COP1: variants seen among roughly 807,000 people sequenced by gnomAD.
The protein encoded by COP1 is E3 ubiquitin-protein ligase COP1.
COP1 carries 24 observed loss-of-function variants against 101.3 expected under a neutral mutation model. That is an observed-to-expected ratio of 0.24 (90% CI 0.17 to 0.33). COP1 has a LOEUF of 0.33. Among genes scored for constraint, COP1 ranks in the 10% least tolerant of loss-of-function variants. The pLI, the probability that COP1 is intolerant of heterozygous loss-of-function variation, is 1.00. For synonymous variants in COP1, 347 were observed against 341.9 expected, an observed-to-expected ratio of 1.01 and a Z score of -0.17; for missense variants, 663 against 906.2, an observed-to-expected ratio of 0.73 and a Z score of 3.45.
chr1:175,960,071 T>C (rs1298180451), intron 18 of COP1, among the ~76,000 whole-genome samples: 2 of 152,204 alleles, frequency 1.3e-5, no homozygotes, highest in African/African-American at 4.8e-5. Context: ...TGTAGGCTTC[T>C]CTTATAGAAA....
intron 9 of COP1, among the ~76,000 whole-genome samples, chr1:176,102,329 C>T (rs1219952190): frequency 6.6e-6 from 1 of 152,176 alleles, no homozygotes; most frequent in African/African-American, 2.4e-5. Context: ...CTAATCTTTC[C>T]CATTCGTGTG....
At chr1:176,095,161 A>G (rs79259986) in intron 9 of COP1, among the ~76,000 whole-genome samples, 3,433 of 152,336 alleles carry the variant, frequency 0.023, 59 homozygotes, top group Non-Finnish European at 0.032. Flanking sequence ...AGTAAACTTT[A>G]TAAGTTCAAG....
At chr1:176,196,996 G>A (rs898771689) in intron 1 of COP1, among the ~76,000 whole-genome samples, 2 of 152,044 alleles carry the variant, frequency 1.3e-5, no homozygotes, top group African/African-American at 4.8e-5. Flanking sequence ...CCTATGTTAC[G>A]GGTTAAATTG....
In COP1 at chr1:176,130,112, C is replaced by A. The variant is rs187001829; in HGVS notation, c.968+4898G>T. Among the ~76,000 whole-genome samples the A allele has an allele frequency of 1.1e-3, 162 of 151,716 alleles. 2 individuals carry two copies. Among genetic ancestry groups the A allele is most frequent in the Non-Finnish European group, 1.6e-4 (11 of 67,682 alleles). On this transcript the variant is annotated intron_variant, in intron 8 of 19. Transcript: ENST00000367669. ...TCTCAAAAATTCAGAGATAATCAAACCTGGTCTAAGTATGTTTCAATATAA... is the reference window on the plus strand; with the variant it reads ...TCTCAAAAATTCAGAGATAATCAAAACTGGTCTAAGTATGTTTCAATATAA...
chr1:176,143,761 A>G (rs528713836), intron 6 of COP1, among the ~76,000 whole-genome samples: 14 of 152,236 alleles, frequency 9.2e-5, no homozygotes, highest in African/African-American at 3.4e-4. Context: ...CCCCTGGGCC[A>G]ATCAGGATGG....
chr1:176,029,265 C>A (rs1433777944), intron 14 of COP1, among the ~76,000 whole-genome samples: 1 of 151,876 alleles, frequency 6.6e-6, no homozygotes, highest in Non-Finnish European at 1.5e-5. Context: ...AGTTAAATTG[C>A]AAAATTTTGG....
chr1:175,959,512 TTTAA>T (rs1035585654), intron 18 of COP1, among the ~76,000 whole-genome samples: 9 of 152,064 alleles, frequency 5.9e-5, no homozygotes, highest in South Asian at 2.1e-4. Context: ...GACACTAAAC[TTTAA>T]TTATTTGTGG....
chr1:176,084,856 T>A (rs1679843673), intron 10 of COP1, among the ~76,000 whole-genome samples: 1 of 151,374 alleles, frequency 6.6e-6, no homozygotes, highest in Admixed American at 6.6e-5. Flanking sequence ...CAGACTTTTT[T>A]TTTTCCCCCT....
At chr1:176,015,173 G>A (rs1053239494) in intron 15 of COP1, among the ~76,000 whole-genome samples, 5 of 152,168 alleles carry the variant, frequency 3.3e-5, no homozygotes, top group Non-Finnish European at 7.3e-5. Flanking sequence ...ATGAAATAAT[G>A]TAGGATGAAT....
chr1:176,118,519 T>C (rs2149610710), intron 8 of COP1, among the ~76,000 whole-genome samples: 1 of 152,254 alleles, frequency 6.6e-6, no homozygotes, highest in Non-Finnish European at 1.5e-5. Context: ...TCCTAGCACT[T>C]TGGGAGGCCA....
chr1:176,000,473 T>C (rs775496560), intron 15 of COP1, among the ~76,000 whole-genome samples: 1 of 152,058 alleles, frequency 6.6e-6, no homozygotes, highest in Non-Finnish European at 1.5e-5. Context: ...ACTGTAAACA[T>C]GTGAGTAATG....
chr1:175,989,504 A>C, intron 15 of COP1, 25 bp from the exon 16 acceptor site: 1 of 1,223,982 alleles, frequency 8.2e-7, no homozygotes, highest in Non-Finnish European at 1.2e-6. Context: ...AATTAGATAA[A>C]TGTAGTAAAT....
chr1:176,039,994 A>T (rs1176699032), intron 14 of COP1, among the ~76,000 whole-genome samples: 1 of 152,224 alleles, frequency 6.6e-6, no homozygotes, highest in African/African-American at 2.4e-5. Context: ...AAACTCTTAG[A>T]AGAAAACTTA....
intron 6 of COP1, among the ~76,000 whole-genome samples, chr1:176,139,177 C>A (rs1690258025): frequency 6.6e-6 from 1 of 151,372 alleles, no homozygotes; most frequent in Admixed American, 6.6e-5. Context: ...TAAAAAAATG[C>A]TCAACATCAC....
chr1:176,167,663 T>A (rs1042711598), intron 3 of COP1, among the ~76,000 whole-genome samples: 1 of 151,748 alleles, frequency 6.6e-6, no homozygotes, highest in Non-Finnish European at 1.5e-5. Context: ...CAAAAAAAAA[T>A]GCATTTTAAT....
chr1:176,018,871 A>G (rs1376911991), intron 15 of COP1: 1 of 151,474 alleles, frequency 6.6e-6, no homozygotes, highest in African/African-American at 2.4e-5. Flanking sequence ...AGAATTTTTA[A>G]TGCTTAATTC....
intron 18 of COP1, among the ~76,000 whole-genome samples, chr1:175,976,296 T>TTTTTA (rs1553284850): frequency 7.3e-6 from 1 of 137,306 alleles, no homozygotes; most frequent in Non-Finnish European, 1.5e-5. Context: ...TTTTTTTTTT[T>TTTTTA]AGACAGAGTC....
chr1:175,960,272 C>A (rs1011683184), intron 18 of COP1, among the ~76,000 whole-genome samples: 1 of 152,154 alleles, frequency 6.6e-6, no homozygotes, highest in South Asian at 2.1e-4. Context: ...AAAGCTCTAA[C>A]GCTTCTAGAC....
chr1:176,195,533 C>CTTA (rs1699578893), intron 1 of COP1, among the ~76,000 whole-genome samples: 1 of 152,024 alleles, frequency 6.6e-6, no homozygotes, highest in South Asian at 2.1e-4. Flanking sequence ...TTTTCAAGTG[C>CTTA]ATATGGACCA....
Sources: allele counts gnomAD v4.1 joint callset (sites outside exome capture counted in the v4.1 genomes callset), GRCh38; gene constraint gnomAD v4.1.1; transcripts MANE v1.5; gene names NCBI Gene and HGNC (gene_info 2026-07-23, HGNC 2026-07-21).